GSG1L: variants seen among roughly 807,000 people sequenced by gnomAD.
The protein encoded by GSG1L is germ cell-specific gene 1-like protein.
GSG1L carries 24 observed loss-of-function variants against 42.1 expected under a neutral mutation model. The ratio of observed to expected loss-of-function variants is 0.57; its 90% CI spans 0.41 to 0.80. The LOEUF is 0.80. Ranked by LOEUF, GSG1L falls within the 30% of genes least tolerant of loss-of-function variation. The probability of loss-of-function intolerance (pLI) is 0.00; values close to 1 mark genes in which losing one functional copy is unlikely to be tolerated. For missense variants in GSG1L, 445 were observed against 472.2 expected (o/e 0.94, Z 0.53); for synonymous variants, 215 against 203.5 (o/e 1.06, Z -0.48).
At chr16:27,814,756 C>T (rs1264902108) in intron 5 of GSG1L, among the ~76,000 whole-genome samples, 2 of 149,110 alleles carry the variant, frequency 1.3e-5, no homozygotes, top group African/African-American at 5.0e-5. Flanking sequence ...GGAGGAAAAA[C>T]AGTTTGAAGC....
intron 2 of GSG1L, among the ~76,000 whole-genome samples, chr16:27,910,873 C>T (rs755278896): frequency 7.2e-5 from 11 of 152,038 alleles, no homozygotes; most frequent in Non-Finnish European, 1.5e-4. Flanking sequence ...ACTTGCCAGG[C>T]GTGGTGGCAT....
chr16:28,000,285 T>C (rs1051867066), intron 1 of GSG1L, among the ~76,000 whole-genome samples: 4 of 152,270 alleles, frequency 2.6e-5, no homozygotes, highest in Non-Finnish European at 2.9e-5. Flanking sequence ...CTGGGCAACA[T>C]AGTGAGACCT....
chr16:28,026,772 C>T (rs205380), intron 1 of GSG1L, among the ~76,000 whole-genome samples: 31 of 152,030 alleles, frequency 2.0e-4, no homozygotes, highest in Non-Finnish European at 4.0e-4. Flanking sequence ...GCAAGGCACA[C>T]GACCAAATTC....
intron 2 of GSG1L, among the ~76,000 whole-genome samples, chr16:27,905,708 T>C (rs928638046): frequency 6.6e-6 from 1 of 152,192 alleles, no homozygotes; most frequent in African/African-American, 2.4e-5. Context: ...ACGAAGAATG[T>C]ACTTCTTCTG....
rs138465131 is a variant in GSG1L at position 28,006,827 on chromosome 16, C to T, written c.350-43624G>A. ...GGAGACCAGGTGGACACCAGTGCAC[C>T]CTAGGGGTAGTGAGCCACCCTAGCA... is the stretch of plus-strand genomic sequence containing the variant. On this transcript the variant is annotated intron_variant, in intron 1 of 6. Coordinates refer to ENST00000447459, the MANE Select transcript of GSG1L (RefSeq NM_001109763.2). Among the ~76,000 whole-genome samples the T allele has an allele frequency of 6.7e-3, 1,014 of 152,194 alleles. 14 individuals are homozygous for T. Among genetic ancestry groups the T allele is most frequent in the African/African-American group, 0.023 (937 of 41,522 alleles).
rs537572403 is a variant in GSG1L at position 28,061,245 on chromosome 16, C to T, written c.349+1831G>A. 5.3e-5 allele frequency among the ~76,000 whole-genome samples: 8 copies of T among 152,288 alleles called. No homozygotes were observed. In the South Asian group the frequency reaches 1.2e-3, roughly 24 times the overall value. Reference sequence around the variant, plus strand: ...TGACAACAAGGTGTTACGAGGCCTCCGTGTGAGAGATTAGGGTTGGGCTGT... The same window carrying T: ...TGACAACAAGGTGTTACGAGGCCTCTGTGTGAGAGATTAGGGTTGGGCTGT... On this transcript the variant is annotated intron_variant, in intron 1 of 6. Coordinates refer to ENST00000447459, the MANE Select transcript of GSG1L (RefSeq NM_001109763.2).
intron 1 of GSG1L, among the ~76,000 whole-genome samples, chr16:28,008,973 T>C (rs1421494359): frequency 3.3e-5 from 5 of 152,254 alleles, no homozygotes; most frequent in Non-Finnish European, 7.4e-5. Context: ...CACGCCTGGC[T>C]AATTTTTGTA....
chr16:27,810,065 TC>T (rs1315769443), intron 5 of GSG1L, among the ~76,000 whole-genome samples: 2 of 152,220 alleles, frequency 1.3e-5, no homozygotes, highest in African/African-American at 4.8e-5. Context: ...ACCAGGAACT[TC>T]CTGAGGACCT....
intron 2 of GSG1L, chr16:27,888,081 A>G (rs2084050681): frequency 3.0e-6 from 3 of 985,154 alleles, no homozygotes; most frequent in Non-Finnish European, 3.6e-6. Context: ...TGATGCTCCT[A>G]TCGCTGGGTT....
intron 6 of GSG1L, among the ~76,000 whole-genome samples, chr16:27,794,455 T>C (rs910607774): frequency 6.6e-6 from 1 of 152,010 alleles, no homozygotes; most frequent in African/African-American, 2.4e-5. Context: ...CTCAGCCTCC[T>C]AAGTAGCTAG....
intron 2 of GSG1L, among the ~76,000 whole-genome samples, chr16:27,961,075 G>A (rs1216917716): frequency 6.6e-6 from 1 of 152,006 alleles, no homozygotes; most frequent in African/African-American, 2.4e-5. Context: ...ACTCACATGG[G>A]CACACAACCC....
intron 4 of GSG1L, 146 bp from the exon 5 acceptor site, chr16:27,829,102 C>G (rs1309546982): frequency 1.4e-6 from 1 of 719,546 alleles, no homozygotes; most frequent in African/African-American, 1.8e-5. Flanking sequence ...AAGGATAAGA[C>G]TTGGTCCCTG....
chr16:27,874,441 C>CTTTTTTTTTTTTTTTTTTTTTTT (rs71140916), intron 3 of GSG1L, among the ~76,000 whole-genome samples: 1 of 94,474 alleles, frequency 1.1e-5, no homozygotes. Flanking sequence ...ACAGGAGAGC[C>CTTTTTTTTTTTTTTTTTTTTTTT]TTTTTTTTTT....
At chr16:27,944,387 C>T (rs372617283) in intron 2 of GSG1L, among the ~76,000 whole-genome samples, 21 of 151,888 alleles carry the variant, frequency 1.4e-4, no homozygotes, top group Admixed American at 9.2e-4. Flanking sequence ...TTTGGGAGGC[C>T]GAGGCGGGAA....
At chr16:27,946,382 TA>T (rs887020924) in intron 2 of GSG1L, among the ~76,000 whole-genome samples, 1 of 151,416 alleles carries the variant, frequency 6.6e-6, no homozygotes, top group African/African-American at 2.4e-5. Flanking sequence ...CTGCCTCTAC[TA>T]AAAATACAAA....
chr16:27,890,799 G>A (rs560835001), intron 2 of GSG1L, among the ~76,000 whole-genome samples: 4 of 152,360 alleles, frequency 2.6e-5, no homozygotes, highest in Non-Finnish European at 5.9e-5. Flanking sequence ...AGCACTCCCT[G>A]TGTATCTGCT....
At chr16:28,020,623 G>A (rs147633480) in intron 1 of GSG1L, among the ~76,000 whole-genome samples, 2,247 of 152,248 alleles carry the variant, frequency 0.015, 31 homozygotes, top group Non-Finnish European at 0.022. Context: ...CCCTTTTGCC[G>A]TCCTCTGTCA....
intron 1 of GSG1L, among the ~76,000 whole-genome samples, chr16:28,023,519 A>G (rs2085867815): frequency 1.3e-5 from 2 of 152,246 alleles, no homozygotes; most frequent in African/African-American, 2.4e-5. Context: ...TCTGATACAC[A>G]GTGACAAATT....
chr16:27,898,479 G>T (rs1221442117), intron 2 of GSG1L, among the ~76,000 whole-genome samples: 2 of 151,984 alleles, frequency 1.3e-5, no homozygotes, highest in African/African-American at 4.8e-5. Flanking sequence ...GTCACAAACT[G>T]GCTCAAAGAC....
Sources: gnomAD v4.1 joint callset for allele counts (sites outside exome capture counted in the v4.1 genomes callset) on GRCh38, gnomAD v4.1.1 for gene constraint, MANE v1.5 for transcripts, NCBI Gene and HGNC (gene_info 2026-07-23, HGNC 2026-07-21) for gene names.